Variants in SHROOM4 observed in about 807,000 individuals in gnomAD.
SHROOM4 encodes protein Shroom4.
SHROOM4 carries 17 observed loss-of-function variants against 80.3 expected under a neutral mutation model. That is an observed-to-expected ratio of 0.21 (90% CI 0.14 to 0.32). The LOEUF (loss-of-function observed/expected upper bound fraction) is 0.32, where lower values mean the gene tolerates loss of function less well. Among genes scored for constraint, SHROOM4 ranks in the 10% least tolerant of loss-of-function variants. SHROOM4 has a pLI of 1.00. For synonymous variants in SHROOM4, 400 were observed against 437.5 expected (o/e 0.91, Z 1.07); for missense variants, 993 against 1,140.3 (o/e 0.87, Z 1.86).
intron 1 of SHROOM4, among the ~76,000 whole-genome samples, chrX:50,749,118 G>T (rs1557267866): frequency 1.8e-5 from 2 of 111,801 alleles, no homozygotes; most frequent in Non-Finnish European, 3.8e-5. Flanking sequence ...AGGCTGAGGT[G>T]GGAGGATTGC....
In SHROOM4 at chrX:50,755,451, T is replaced by C. The variant is rs782432155; in HGVS notation, c.117+58451A>G. Among the ~76,000 whole-genome samples, 10 of 111,675 alleles carry C rather than the reference T, an allele frequency of 9.0e-5. No homozygotes were observed. In the South Asian group the frequency reaches 1.1e-3, roughly 13 times the overall value. On this transcript the variant is annotated intron_variant, in intron 1 of 8. Transcript: ENST00000376020. ...ACTGGGCAAAAATTGCCATGAAATA[T>C]AGCTACTCGGTCCTTCTCTACAGAA...
intron 1 of SHROOM4, among the ~76,000 whole-genome samples, chrX:50,732,214 C>G (rs1443373271): frequency 1.8e-5 from 2 of 111,614 alleles, no homozygotes; most frequent in Non-Finnish European, 3.8e-5. Flanking sequence ...TGATTGTGGG[C>G]ACACCCAAAG....
chrX:50,796,920 G>T (rs1299535259), intron 1 of SHROOM4, among the ~76,000 whole-genome samples: 1 of 109,672 alleles, frequency 9.1e-6, no homozygotes. Flanking sequence ...ACATACTGGG[G>T]TATGAGGTAA....
intron 6 of SHROOM4, among the ~76,000 whole-genome samples, chrX:50,603,556 A>G (rs1318970731): frequency 1.8e-5 from 2 of 111,437 alleles, no homozygotes; most frequent in Admixed American, 1.9e-4. Context: ...CACTTCTGGC[A>G]TATTCCCAAT....
chrX:50,620,375 T>G (rs1306351365), intron 5 of SHROOM4, among the ~76,000 whole-genome samples: 2 of 112,119 alleles, frequency 1.8e-5, no homozygotes, highest in Non-Finnish European at 3.8e-5. Flanking sequence ...TGATGGCTAT[T>G]CTATTTTGTT....
chrX:50,747,534 T>C (rs1934799638), intron 1 of SHROOM4, among the ~76,000 whole-genome samples: 1 of 111,899 alleles, frequency 8.9e-6, no homozygotes, highest in South Asian at 3.7e-4. Context: ...GACAAATAGC[T>C]ATCCATGGAA....
intron 1 of SHROOM4, among the ~76,000 whole-genome samples, chrX:50,719,354 A>G (rs782430415): frequency 1.3e-4 from 14 of 110,557 alleles, no homozygotes; most frequent in Non-Finnish European, 2.3e-4. Context: ...TTTTGTTTCC[A>G]CCTCCTGCAA....
At chrX:50,799,953 C>G (rs1936086964) in intron 1 of SHROOM4, among the ~76,000 whole-genome samples, 1 of 112,367 alleles carries the variant, frequency 8.9e-6, no homozygotes, top group Admixed American at 9.4e-5. Flanking sequence ...ACTCCAGCAG[C>G]AGCATGAAAT....
At chrX:50,577,224 T>C in the SHROOM4 span, among the ~76,000 whole-genome samples, 3 of 112,842 alleles carry the variant, frequency 2.7e-5, no homozygotes, top group African/African-American at 9.6e-5. Context: ...TAATTTTCTT[T>C]TTTGTCATTT....
rs111396693 is a variant in SHROOM4, at chrX:50,722,346, G to T, written c.118-26409C>A. On this transcript the variant is annotated intron_variant, in intron 1 of 8. Coordinates refer to ENST00000376020, the MANE Select transcript of SHROOM4 (RefSeq NM_020717.5). ...AGTTACAGCAAATGTATAGAAGTTA[G>T]GCTAAAACCTACCTAAGGGAAGGGG... Among the ~76,000 whole-genome samples, 664 of 108,928 alleles carry T rather than the reference G, an allele frequency of 6.1e-3. 9 individuals are homozygous for T. Among genetic ancestry groups the T allele is most frequent in the African/African-American group, 0.021 (632 of 29,919 alleles). The allele number at this position is 108,928 out of a possible 115,157, so 94.6% of individuals were successfully genotyped here.
rs1557245932 is a variant in SHROOM4, at chrX:50,593,536, C to CT, written c.*3158_*3159insA. The stretch of plus-strand genomic sequence containing the variant: ...GAAACTGTCCCCTGCCCCACCCCCC[C>CT]AAAAAGATCTACTAATCTTCAAATA... On this transcript the variant is annotated 3_prime_UTR_variant, in exon 9 of 9. Coordinates refer to ENST00000376020, the MANE Select transcript of SHROOM4 (RefSeq NM_020717.5). The CT allele has an allele frequency of 1.0e-4, 11 of 109,767 alleles. No individual in the cohort carries two copies. Among genetic ancestry groups the CT allele is most frequent in the African/African-American group, 3.3e-4 (10 of 30,152 alleles). The allele number at this position is 109,767 out of a possible 1,213,427, so 9.0% of individuals were successfully genotyped here.
chrX:50,674,692 T>A (rs1932834207), intron 2 of SHROOM4, among the ~76,000 whole-genome samples: 1 of 111,644 alleles, frequency 9.0e-6, no homozygotes, highest in African/African-American at 3.2e-5. Context: ...TTTTTAGACT[T>A]GACACCAAAA....
chrX:50,604,734 T>C (rs1929592336), intron 6 of SHROOM4, among the ~76,000 whole-genome samples: 1 of 111,918 alleles, frequency 8.9e-6, no homozygotes, highest in Non-Finnish European at 1.9e-5. Context: ...CACTATATTC[T>C]AGGGATCCTT....
At chrX:50,598,120 T>C in intron 8 of SHROOM4, 146 bp downstream of exon 8, 2 of 807,155 alleles carry the variant, frequency 2.5e-6, no homozygotes, top group Middle Eastern at 8.6e-4. Context: ...ATTACAGACA[T>C]GAGCCACCGT....
chrX:50,596,475 C>T lies in SHROOM4; in HGVS notation c.*220G>A, dbSNP rs782312166. On this transcript the variant is annotated 3_prime_UTR_variant, in exon 9 of 9. Coordinates refer to ENST00000376020, the MANE Select transcript of SHROOM4 (RefSeq NM_020717.5). ...GAAGGAGAGTGTGGTTCTAAGATCA[C>T]ACCTTGCTGCAGCTCCCTTGGGTAG... The T allele has an allele frequency of 5.7e-6, 3 of 523,312 alleles. No individual in the cohort carries two copies. Among genetic ancestry groups the T allele is most frequent in the Non-Finnish European group, 1.0e-5 (3 of 297,581 alleles). 43.1% of individuals were successfully genotyped at this position (523,312 alleles called of 1,213,427 possible).
At chrX:50,803,565 C>T in intron 1 of SHROOM4, among the ~76,000 whole-genome samples, 1 of 111,634 alleles carries the variant, frequency 9.0e-6, no homozygotes, top group Non-Finnish European at 1.9e-5. Flanking sequence ...TCCCTCAAGG[C>T]CTAGCTCCAA....
Position 50,814,057 on chromosome X carries a change from A to G in SHROOM4, c.-39T>C. ...CAGGCGCCGCCGGGCTCCTTTTCCGAGGGGGCTACGTTGCCTCCGCCCCCA... is the reference window on the plus strand; with the variant it reads ...CAGGCGCCGCCGGGCTCCTTTTCCGGGGGGGCTACGTTGCCTCCGCCCCCA... On this transcript the variant is annotated 5_prime_UTR_variant, in exon 1 of 9. Coordinates refer to ENST00000376020, the MANE Select transcript of SHROOM4 (RefSeq NM_020717.5). 14 of 1,031,404 alleles carry G rather than the reference A, an allele frequency of 1.4e-5. No individual in the cohort carries two copies. The highest frequency in any genetic ancestry group is 1.9e-5 in the Non-Finnish European group (14 of 736,675). 85.0% of individuals were successfully genotyped at this position (1,031,404 alleles called of 1,213,427 possible). A position where few individuals can be genotyped will look rare whatever the true frequency, so the allele number is the denominator to read the frequency against.
chrX:50,618,412 C>T (rs1278025993), intron 5 of SHROOM4, among the ~76,000 whole-genome samples: 1 of 86,578 alleles, frequency 1.2e-5, no homozygotes, highest in African/African-American at 4.4e-5. Context: ...TCCTTCCTTC[C>T]TTCCTTCCTT....
intron 1 of SHROOM4, among the ~76,000 whole-genome samples, chrX:50,801,107 T>C (rs1442813959): frequency 9.2e-6 from 1 of 108,434 alleles, no homozygotes; most frequent in Non-Finnish European, 1.9e-5. Flanking sequence ...CCAGTTTAGA[T>C]GAAAGGGAAG....
Sources: allele counts gnomAD v4.1 joint callset (sites outside exome capture counted in the v4.1 genomes callset), GRCh38; gene constraint gnomAD v4.1.1; transcripts MANE v1.5; gene names NCBI Gene and HGNC (gene_info 2026-07-23, HGNC 2026-07-21).